MATN2: variants seen among roughly 807,000 people sequenced by gnomAD.
MATN2 encodes matrilin 2, also known as matrilin-2.
MATN2 carries 69 observed loss-of-function variants against 103.2 expected under a neutral mutation model. The ratio of observed to expected loss-of-function variants is 0.67; its 90% CI spans 0.55 to 0.82. The LOEUF is 0.82. Among genes scored for constraint, MATN2 ranks in the 40% least tolerant of loss-of-function variants. The pLI is 0.00. For missense variants in MATN2, 1,023 were observed against 1,211.5 expected (o/e 0.84, Z 2.31); for synonymous variants, 429 against 450.2 (o/e 0.95, Z 0.60).
At chr8:97,996,786 T>A (rs1011522064) in intron 7 of MATN2, among the ~76,000 whole-genome samples, 6 of 152,180 alleles carry the variant, frequency 3.9e-5, no homozygotes, top group Admixed American at 1.3e-4. Context: ...GGTTTAAAAA[T>A]CTGGAGTCCG....
intron 10 of MATN2, among the ~76,000 whole-genome samples, chr8:98,012,529 C>T (rs149024333): frequency 2.0e-5 from 3 of 152,238 alleles, no homozygotes; most frequent in Non-Finnish European, 4.4e-5. Flanking sequence ...GAGCGAACTG[C>T]AGGAAGTTCT....
chr8:98,003,352 C>G (rs887723960), intron 7 of MATN2, among the ~76,000 whole-genome samples: 1 of 152,068 alleles, frequency 6.6e-6, no homozygotes, highest in Non-Finnish European at 1.5e-5. Flanking sequence ...CCCTCTCACC[C>G]CAGGACTCAG....
chr8:97,888,169 C>G lies in MATN2; in HGVS notation c.69C>G (p.Ala23=). ...LGQIVLLPAE[A]RERSRGRSIS... ...AGATCGTCCTCCTCCCTGCCGAGGC[C>G]AGGGAGCGGTCACGTGGGAGGTCCA... is the stretch of plus-strand genomic sequence containing the variant. Residue 23 remains alanine (A), a synonymous_variant, in exon 2 of 19, where the codon GCC becomes GCG. Coordinates refer to ENST00000254898, the MANE Select transcript of MATN2 (RefSeq NM_002380.5). 6.2e-7 allele frequency: 1 copy of G among 1,609,070 alleles called. No individual in the cohort carries two copies. Among genetic ancestry groups the G allele is most frequent in the Non-Finnish European group, 8.5e-7 (1 of 1,177,452 alleles).
intron 10 of MATN2, among the ~76,000 whole-genome samples, chr8:98,011,487 G>C (rs1045301265): frequency 2.0e-5 from 3 of 152,192 alleles, no homozygotes; most frequent in African/African-American, 7.2e-5. Flanking sequence ...GTCAGTGGCA[G>C]AGCCAGGACC....
chr8:98,006,976 C>T, intron 8 of MATN2, 129 bp from the exon 9 acceptor site: 1 of 946,574 alleles, frequency 1.1e-6, no homozygotes, highest in Non-Finnish European at 1.6e-6. Context: ...CTAGAGGGAT[C>T]AGTGATGTGG....
At chr8:97,957,058 G>C (rs1376663612) in intron 4 of MATN2, among the ~76,000 whole-genome samples, 1 of 152,180 alleles carries the variant, frequency 6.6e-6, no homozygotes, top group Non-Finnish European at 1.5e-5. Context: ...CAATACCATG[G>C]GATCAGTGCC....
intron 10 of MATN2, among the ~76,000 whole-genome samples, chr8:98,008,602 G>T (rs1291379703): frequency 6.6e-6 from 1 of 152,164 alleles, no homozygotes; most frequent in Non-Finnish European, 1.5e-5. Context: ...TTAGCAAATG[G>T]GTTATCCATG....
At chr8:98,034,850 T>C (rs1337595289) in intron 18 of MATN2, among the ~76,000 whole-genome samples, 1 of 151,508 alleles carries the variant, frequency 6.6e-6, no homozygotes, top group African/African-American at 2.4e-5. Context: ...TTATCAATTC[T>C]GGCTCCTAGA....
chr8:97,995,952 G>A (rs891574336), intron 7 of MATN2, among the ~76,000 whole-genome samples: 1 of 152,202 alleles, frequency 6.6e-6, no homozygotes, highest in African/African-American at 2.4e-5. Context: ...GCCTGCAATA[G>A]GTCAGAGGGC....
At chr8:97,955,000 G>C (rs1041707726) in intron 4 of MATN2, among the ~76,000 whole-genome samples, 5 of 152,168 alleles carry the variant, frequency 3.3e-5, no homozygotes, top group Non-Finnish European at 5.9e-5. Context: ...GGGAAAAGGA[G>C]GTCAGGAAGA....
At chr8:97,932,714 A>G (rs1164777580) in intron 3 of MATN2, among the ~76,000 whole-genome samples, 1 of 152,092 alleles carries the variant, frequency 6.6e-6, no homozygotes, top group African/African-American at 2.4e-5. Context: ...CAGCCGCCCA[A>G]TCCAGGAAAC....
intron 2 of MATN2, among the ~76,000 whole-genome samples, chr8:97,911,309 T>C (rs1809425699): frequency 6.6e-6 from 1 of 152,128 alleles, no homozygotes; most frequent in African/African-American, 2.4e-5. Flanking sequence ...AGCCATAGCA[T>C]ATGGGGCTGA....
chr8:97,961,312 G>T, intron 4 of MATN2, 96 bp from the exon 5 acceptor site: 2 of 1,255,042 alleles, frequency 1.6e-6, no homozygotes, highest in Non-Finnish European at 2.1e-6. Context: ...AAGTTACTTT[G>T]GTGAGGGCTC....
At chr8:97,932,175 GTAGA>G (rs1810221688) in intron 3 of MATN2, among the ~76,000 whole-genome samples, 2 of 152,310 alleles carry the variant, frequency 1.3e-5, no homozygotes, top group South Asian at 2.1e-4. Context: ...ATGAGGAAGA[GTAGA>G]TAGACAGAGT....
chr8:97,937,474 T>C (rs1810411815), intron 3 of MATN2, among the ~76,000 whole-genome samples: 2 of 152,264 alleles, frequency 1.3e-5, no homozygotes, highest in Admixed American at 1.3e-4. Flanking sequence ...AGTTATAATC[T>C]TTTTTAGTTC....
At chr8:97,968,959 A>C (rs1340562749) in intron 5 of MATN2, among the ~76,000 whole-genome samples, 1 of 152,250 alleles carries the variant, frequency 6.6e-6, no homozygotes, top group Admixed American at 6.5e-5. Context: ...TATTTGAAAA[A>C]GAAAGAGTTT....
chr8:97,899,361 A>G (rs993609546), intron 2 of MATN2, among the ~76,000 whole-genome samples: 1 of 152,162 alleles, frequency 6.6e-6, no homozygotes, highest in Non-Finnish European at 1.5e-5. Context: ...CAATAAATAT[A>G]TATATGTTCT....
intron 4 of MATN2, among the ~76,000 whole-genome samples, chr8:97,945,717 A>AAAAATAT (rs59472539): frequency 0.014 from 1,744 of 121,762 alleles, 22 homozygotes; most frequent in Middle Eastern, 0.035. Context: ...AAAAAAAAAA[A>AAAAATAT]ATATATATAT....
chr8:98,004,286 CAAAAA>C (rs60031012), intron 8 of MATN2: 5 of 138,576 alleles, frequency 3.6e-5, no homozygotes, highest in Admixed American at 2.7e-4. Context: ...AACTTCATCT[CAAAAA>C]AAAAAAAAAA....
Sources: gnomAD v4.1 joint callset for allele counts (sites outside exome capture counted in the v4.1 genomes callset) on GRCh38, gnomAD v4.1.1 for gene constraint, MANE v1.5 for transcripts, NCBI Gene and HGNC (gene_info 2026-07-23, HGNC 2026-07-21) for gene names.